The following SORBS2 variants were observed in gnomAD, a reference collection of about 807,000 sequenced individuals.
SORBS2 encodes sorbin and SH3 domain containing 2.
A neutral mutation model predicts 97.7 loss-of-function variants in SORBS2; 46 were observed. The observed-to-expected ratio is 0.47, with a 90% confidence interval of 0.37 to 0.60. The LOEUF is 0.60. Among genes scored for constraint, SORBS2 ranks in the 20% least tolerant of loss-of-function variants. The pLI is 0.00. For missense variants in SORBS2, 1,316 were observed against 1,282.3 expected, an observed-to-expected ratio of 1.03 and a Z score of -0.40; for synonymous variants, 476 against 473.4, an observed-to-expected ratio of 1.01 and a Z score of -0.07.
intron 12 of SORBS2, among the ~76,000 whole-genome samples, chr4:185,605,656 C>G (rs1306331267): frequency 4.1e-5 from 6 of 147,336 alleles, no homozygotes; most frequent in Admixed American, 6.8e-5. Flanking sequence ...ACGATCTCAG[C>G]TCATTACAAC....
chr4:185,844,246 A>G (rs1579159884), intron 1 of SORBS2, among the ~76,000 whole-genome samples: 1 of 152,218 alleles, frequency 6.6e-6, no homozygotes, highest in South Asian at 2.1e-4. Context: ...ACTCAAAACT[A>G]TAAAGCTAAC....
intron 1 of SORBS2, among the ~76,000 whole-genome samples, chr4:185,796,478 C>G (rs1041122856): frequency 1.3e-5 from 2 of 148,548 alleles, no homozygotes; most frequent in African/African-American, 2.5e-5. Context: ...ACGCTGCTCC[C>G]TGGTCACGGT....
chr4:185,604,074 C>T (rs990468501), intron 12 of SORBS2, among the ~76,000 whole-genome samples: 6 of 152,194 alleles, frequency 3.9e-5, no homozygotes, highest in Admixed American at 2.0e-4. Context: ...TGATGCTTCT[C>T]ATGCTGACGG....
In SORBS2 at chr4:185,826,369, C is replaced by T. The variant is rs191672157; in HGVS notation, c.-337-51003G>A. Among the ~76,000 whole-genome samples, 7 of 152,292 alleles carry T rather than the reference C, an allele frequency of 4.6e-5. 1 individual carries two copies. In the South Asian group the frequency reaches 8.3e-4, roughly 18 times the overall value. The stretch of plus-strand genomic sequence containing the variant: ...CTGTTCTTCAAGCTACCCTGGTCTA[C>T]GATCACCACAAATCCAGGACCTGAG... On this transcript the variant is annotated intron_variant, in intron 1 of 20. Transcript: ENST00000284776.
rs1454922280 is a variant in SORBS2 at position 185,684,707 on chromosome 4, C to A, written c.-197-5885G>T. 7 of 1,304,734 alleles carry A rather than the reference C, an allele frequency of 5.4e-6. No individual in the cohort carries two copies. The highest frequency in any genetic ancestry group is 7.6e-6 in the Non-Finnish European group (7 of 923,866). The allele number at this position is 1,304,734 out of a possible 1,614,324, so 80.8% of individuals were successfully genotyped here. On this transcript the variant is annotated intron_variant, in intron 2 of 20. Transcript: ENST00000284776. This position sits in a 1 kb window ranked among gnomAD's most constrained non-coding sequence, Gnocchi z 4.2. Reference sequence around the variant, plus strand: ...TTTAGAACAAAAACAGTCAGAAGAGCTAGAAGCCATTCAAGTGCGACATTG... The same window carrying A: ...TTTAGAACAAAAACAGTCAGAAGAGATAGAAGCCATTCAAGTGCGACATTG...
Position 185,615,032 on chromosome 4 carries a change from G to GGA in SORBS2, c.2466+11_2466+12dup, listed in dbSNP as rs765399720. ...AACCACCGCCATCCAAGAGAGAAAG[G>GGA]GAGAGGACCTACCTCTACGTATGAG... On this transcript the variant is annotated intron_variant, in intron 10 of 14. Transcript: ENST00000418609. The GGA allele has an allele frequency of 2.0e-5, 32 of 1,613,084 alleles. No homozygotes were observed. The highest frequency in any genetic ancestry group is 2.7e-5 in the Non-Finnish European group (32 of 1,179,162).
intron 12 of SORBS2, among the ~76,000 whole-genome samples, chr4:185,605,587 G>A (rs1403236817): frequency 6.6e-6 from 1 of 151,670 alleles, no homozygotes; most frequent in Non-Finnish European, 1.5e-5. Context: ...CTGGCCTTAA[G>A]TTTCTCTTTT....
intron 2 of SORBS2, among the ~76,000 whole-genome samples, chr4:185,739,365 C>G (rs2098708393): frequency 6.6e-6 from 1 of 152,208 alleles, no homozygotes; most frequent in African/African-American, 2.4e-5. Flanking sequence ...GGCATTAACT[C>G]TTGCAAAACC....
At position 185,710,358 on chromosome 4, in the gene SORBS2, T is replaced by C. The variant is rs538690467; in HGVS notation, c.-197-31536A>G. Among the ~76,000 whole-genome samples the C allele has an allele frequency of 5.3e-5, 8 of 152,330 alleles. No homozygotes were observed. The South Asian group carries it at 1.7e-3, about 32-fold the overall frequency. On this transcript the variant is annotated intron_variant, in intron 2 of 20. Transcript: ENST00000284776. ...GCGACATAAAATAACAGCATGCTAG[T>C]GGCCAAAAGGCATGAAGTGTTCAAA... is the stretch of plus-strand genomic sequence containing the variant.
intron 1 of SORBS2, among the ~76,000 whole-genome samples, chr4:185,854,624 G>T (rs1483563278): frequency 6.6e-6 from 1 of 152,160 alleles, no homozygotes; most frequent in African/African-American, 2.4e-5. Context: ...TGCTTTAATA[G>T]AATGAAATCT....
chr4:185,751,878 T>C (rs369436076), intron 2 of SORBS2, among the ~76,000 whole-genome samples: 1 of 152,136 alleles, frequency 6.6e-6, no homozygotes, highest in Non-Finnish European at 1.5e-5. Flanking sequence ...TTTAAAAATA[T>C]GTTATTATCT....
chr4:185,697,842 GA>G (rs1489013572), intron 2 of SORBS2, among the ~76,000 whole-genome samples: 9 of 152,062 alleles, frequency 5.9e-5, no homozygotes, highest in South Asian at 4.2e-4. Flanking sequence ...TCTTTTTAAA[GA>G]ACCATTTTTT....
chr4:185,705,506 A>T (rs2098330363), intron 2 of SORBS2, among the ~76,000 whole-genome samples: 1 of 152,062 alleles, frequency 6.6e-6, no homozygotes, highest in African/African-American at 2.4e-5. Flanking sequence ...AGGTCGCGCC[A>T]CTGTACTCCA....
intron 2 of SORBS2, 39 bp from the exon 12 acceptor site, chr4:185,649,695 G>A: frequency 7.9e-7 from 1 of 1,261,080 alleles, no homozygotes; most frequent in East Asian, 2.8e-5. Flanking sequence ...AAAAACAGAA[G>A]CAAATCACCT....
chr4:185,656,809 T>TA (rs994378521), exon 1 of SORBS2: 248 of 1,389,236 alleles, frequency 1.8e-4, no homozygotes, highest in South Asian at 4.7e-4. Context: ...TTTTAAAACT[T>TA]AAAAAAAAAT....
At chr4:185,616,459 A>G (rs771062141) in intron 9 of SORBS2, among the ~76,000 whole-genome samples, 12 of 152,232 alleles carry the variant, frequency 7.9e-5, no homozygotes, top group Admixed American at 1.3e-4. Flanking sequence ...AACAGAAAAC[A>G]AAGCAAAGCA....
intron 1 of SORBS2, among the ~76,000 whole-genome samples, chr4:185,857,583 C>T (rs1020096222): frequency 2.6e-5 from 4 of 152,152 alleles, no homozygotes; most frequent in Admixed American, 6.5e-5. Flanking sequence ...GGTCTGACTG[C>T]CTGTGGGGTT....
At chr4:185,916,236 G>A (rs1254131028) in intron 1 of SORBS2, among the ~76,000 whole-genome samples, 1 of 152,192 alleles carries the variant, frequency 6.6e-6, no homozygotes, top group African/African-American at 2.4e-5. Context: ...GGTGGACTTT[G>A]ATCCAAAATC....
intron 1 of SORBS2, among the ~76,000 whole-genome samples, chr4:185,914,741 C>T (rs2149894638): frequency 6.6e-6 from 1 of 152,344 alleles, no homozygotes; most frequent in East Asian, 1.9e-4. Flanking sequence ...GCCTGACCAT[C>T]AGGCAGCTTT....
Sources: allele counts gnomAD v4.1 joint callset (sites outside exome capture counted in the v4.1 genomes callset), GRCh38; gene constraint gnomAD v4.1.1; non-coding constraint Gnocchi (gnomAD v3.1); transcripts MANE v1.5; gene names NCBI Gene and HGNC (gene_info 2026-07-23, HGNC 2026-07-21).